The following ST3GAL1 variants were observed in gnomAD, a reference collection of about 807,000 sequenced individuals.
ST3GAL1 encodes the protein ST3 beta-galactoside alpha-2,3-sialyltransferase 1, also known as CMP-N-acetylneuraminate-beta-galactosamide-alpha-2,3-sialyltransferase 1.
ST3GAL1 carries 16 observed loss-of-function variants against 34.1 expected under a neutral mutation model. That is an observed-to-expected ratio of 0.47 (90% CI 0.32 to 0.71). The LOEUF is 0.71. Ranked by LOEUF, ST3GAL1 falls within the 30% of genes least tolerant of loss-of-function variation. The pLI, the probability that ST3GAL1 is intolerant of heterozygous loss-of-function variation, is 0.04. For synonymous variants in ST3GAL1, 191 were observed against 184.7 expected, an observed-to-expected ratio of 1.03 and a Z score of -0.28; for missense variants, 353 against 447.4, an observed-to-expected ratio of 0.79 and a Z score of 1.90.
At chr8:133,534,725 T>G (rs1818258835) in intron 2 of ST3GAL1, among the ~76,000 whole-genome samples, 1 of 152,198 alleles carries the variant, frequency 6.6e-6, no homozygotes. Flanking sequence ...GGCCCAGGCA[T>G]GTGTCCAGGC....
rs1412599953 is a variant in ST3GAL1, at chr8:133,459,619, G to A, written c.*145C>T. ...ACCTTGCTGAGTAGATGCTGCCAAC[G>A]GCTGGGTGCAAGAGGCTGTGAGCGG... On this transcript the variant is annotated 3_prime_UTR_variant, in exon 10 of 10. Transcript: ENST00000522652. This position sits in a 1 kb window ranked among gnomAD's most constrained non-coding sequence, Gnocchi z 4.7. 7 of 1,031,508 alleles carry A rather than the reference G, an allele frequency of 6.8e-6. No homozygotes were observed. Among genetic ancestry groups the A allele is most frequent in the South Asian group, 3.6e-5 (2 of 55,996 alleles). 63.9% of individuals were successfully genotyped at this position (1,031,508 alleles called of 1,614,324 possible).
intron 7 of ST3GAL1, 82 bp from the exon 8 acceptor site, chr8:133,463,541 C>A: frequency 6.8e-7 from 1 of 1,470,334 alleles, no homozygotes; most frequent in Admixed American, 1.8e-5. Context: ...GGGGTAGTGG[C>A]TAGATAATGA....
chr8:133,527,567 C>T (rs1363841222), intron 2 of ST3GAL1, among the ~76,000 whole-genome samples: 1 of 152,172 alleles, frequency 6.6e-6, no homozygotes, highest in Non-Finnish European at 1.5e-5. Flanking sequence ...TCAGTTTACC[C>T]TGTGTAAAAT....
intron 2 of ST3GAL1, among the ~76,000 whole-genome samples, chr8:133,506,367 C>T (rs1817336874): frequency 6.6e-6 from 1 of 152,214 alleles, no homozygotes; most frequent in South Asian, 2.1e-4. Context: ...GGGCATGTGG[C>T]AAGGGCTCCC....
At chr8:133,506,856 G>A (rs1398267145) in intron 2 of ST3GAL1, among the ~76,000 whole-genome samples, 3 of 151,990 alleles carry the variant, frequency 2.0e-5, no homozygotes, top group Admixed American at 6.6e-5. Flanking sequence ...TTGGGAGGCC[G>A]AGGTGGGTGG....
chr8:133,460,831 T>C (rs535550365), intron 9 of ST3GAL1, among the ~76,000 whole-genome samples: 3 of 150,448 alleles, frequency 2.0e-5, no homozygotes, highest in South Asian at 4.2e-4. Context: ...AGGAATTGCA[T>C]GGAGGGGCTT....
intron 2 of ST3GAL1, among the ~76,000 whole-genome samples, chr8:133,509,718 G>A (rs907815135): frequency 6.6e-6 from 1 of 152,226 alleles, no homozygotes; most frequent in Non-Finnish European, 1.5e-5. Context: ...GGGAAGCAGA[G>A]CTGATCATGT....
chr8:133,498,013 T>G (rs367738327), intron 3 of ST3GAL1, among the ~76,000 whole-genome samples: 5 of 152,336 alleles, frequency 3.3e-5, no homozygotes, highest in East Asian at 3.9e-4. Context: ...CCATATGGCT[T>G]GCTCACTCAC....
At chr8:133,499,838 T>C (rs968861300) in intron 2 of ST3GAL1, among the ~76,000 whole-genome samples, 2 of 152,118 alleles carry the variant, frequency 1.3e-5, no homozygotes, top group African/African-American at 4.8e-5. Flanking sequence ...TCAAAGGCTG[T>C]TCTCACCCAC....
Position 133,484,649 on chromosome 8 carries a change from G to A in ST3GAL1, c.-373-8049C>T, listed in dbSNP as rs569576875. Among the ~76,000 whole-genome samples the A allele has an allele frequency of 5.9e-5, 9 of 152,300 alleles. 1 individual carries two copies. The South Asian group carries it at 1.7e-3, about 28-fold the overall frequency. ...CCCTTGTGCCCCTGTGTTATTACAAGGGAGTGTGTCTGACCTCCACTTTAA... is the reference window on the plus strand; with the variant it reads ...CCCTTGTGCCCCTGTGTTATTACAAAGGAGTGTGTCTGACCTCCACTTTAA... On this transcript the variant is annotated intron_variant, in intron 3 of 9. Coordinates refer to ENST00000522652, the MANE Select transcript of ST3GAL1 (RefSeq NM_173344.3).
chr8:133,564,933 T>C (rs1024936874), intron 1 of ST3GAL1, among the ~76,000 whole-genome samples: 12 of 152,228 alleles, frequency 7.9e-5, no homozygotes, highest in Admixed American at 5.2e-4. Flanking sequence ...CTGATAACAA[T>C]TGAAGGTCTT....
intron 3 of ST3GAL1, among the ~76,000 whole-genome samples, chr8:133,485,726 C>T (rs577713568): frequency 1.1e-4 from 17 of 152,210 alleles, no homozygotes; most frequent in African/African-American, 3.9e-4. Context: ...GTGTTCTTCC[C>T]ATTCCCAGGG....
intron 2 of ST3GAL1, among the ~76,000 whole-genome samples, chr8:133,527,198 A>C (rs1818003506): frequency 6.6e-6 from 1 of 152,094 alleles, no homozygotes; most frequent in Non-Finnish European, 1.5e-5. Context: ...GAGGGGAGAG[A>C]CTTGCCTCTG....
At chr8:133,491,138 G>A (rs972120749) in intron 3 of ST3GAL1, among the ~76,000 whole-genome samples, 1 of 152,154 alleles carries the variant, frequency 6.6e-6, no homozygotes, top group Non-Finnish European at 1.5e-5. Context: ...GTGCCCCAGA[G>A]AAACACGATT....
At chr8:133,503,575 C>A (rs1004742499) in intron 2 of ST3GAL1, among the ~76,000 whole-genome samples, 1 of 151,704 alleles carries the variant, frequency 6.6e-6, no homozygotes, top group South Asian at 2.1e-4. Context: ...CCTAGCTGGG[C>A]CAATTGTTCT....
rs572792268 is a variant in ST3GAL1, at chr8:133,551,632, TTC to T, written c.-581-5708_-581-5707del. ...AAAGAAAGAAAGAGCGAGCAAGCCTTTCTCTGAGTTTTACTTTACTCATTGGT... is the reference window on the plus strand; with the variant it reads ...AAAGAAAGAAAGAGCGAGCAAGCCTTTCTGAGTTTTACTTTACTCATTGGT... On this transcript the variant is annotated intron_variant, in intron 1 of 9. Coordinates refer to ENST00000522652, the MANE Select transcript of ST3GAL1 (RefSeq NM_173344.3). Among the ~76,000 whole-genome samples, 562 of 151,522 alleles carry T rather than the reference TTC, an allele frequency of 3.7e-3. 2 individuals carry two copies. Among genetic ancestry groups the T allele is most frequent in the African/African-American group, 0.013 (532 of 41,098 alleles).
intron 1 of ST3GAL1, among the ~76,000 whole-genome samples, chr8:133,558,682 G>A (rs1298266901): frequency 2.0e-5 from 3 of 152,100 alleles, no homozygotes; most frequent in East Asian, 3.9e-4. Flanking sequence ...TACTCCATCC[G>A]GGGCAGGTTC....
chr8:133,527,385 T>C (rs1818009762), intron 2 of ST3GAL1, among the ~76,000 whole-genome samples: 1 of 152,090 alleles, frequency 6.6e-6, no homozygotes, highest in Non-Finnish European at 1.5e-5. Context: ...GTTGAGGTGG[T>C]GGGGTGAGAA....
At chr8:133,539,953 T>C (rs914182921) in intron 2 of ST3GAL1, among the ~76,000 whole-genome samples, 2 of 152,134 alleles carry the variant, frequency 1.3e-5, no homozygotes, top group Non-Finnish European at 2.9e-5. Context: ...CTTGAGGACA[T>C]AGCTCTCATC....
Sources: allele counts gnomAD v4.1 joint callset (sites outside exome capture counted in the v4.1 genomes callset), GRCh38; gene constraint gnomAD v4.1.1; non-coding constraint Gnocchi (gnomAD v3.1); transcripts MANE v1.5; gene names NCBI Gene and HGNC (gene_info 2026-07-23, HGNC 2026-07-21).